The following AGO3 variants were observed in gnomAD, a reference collection of about 807,000 sequenced individuals.
AGO3 encodes argonaute RISC catalytic component 3.
Under a neutral mutation model 105.5 loss-of-function variants are expected in AGO3, and 16 were observed. The ratio of observed to expected loss-of-function variants is 0.15; its 90% confidence interval spans 0.10 to 0.23. The LOEUF (loss-of-function observed/expected upper bound fraction) is 0.23. Among genes scored for constraint, AGO3 ranks in the 10% least tolerant of loss-of-function variants. The probability of loss-of-function intolerance (pLI) is 1.00; values close to 1 mark genes in which losing one functional copy is unlikely to be tolerated. For synonymous variants in AGO3, 340 were observed against 367.3 expected, an observed-to-expected ratio of 0.93 and a Z score of 0.85; for missense variants, 534 against 1,088.0, an observed-to-expected ratio of 0.49 and a Z score of 7.16.
In AGO3 at chr1:36,068,276, A is replaced by C. The variant is rs1299418154; in HGVS notation, c.*12531A>C. 1 of 152,250 alleles carries C rather than the reference A, an allele frequency of 6.6e-6. No individual in the cohort carries two copies. Among genetic ancestry groups the C allele is most frequent in the Non-Finnish European group, 1.5e-5 (1 of 68,048 alleles). 9.4% of individuals were successfully genotyped at this position (152,250 alleles called of 1,614,324 possible). On this transcript the variant is annotated 3_prime_UTR_variant, in exon 19 of 19. Coordinates refer to ENST00000373191, the MANE Select transcript of AGO3 (RefSeq NM_024852.4). ...TGAAAGTATTAATGTTGCAAGTATTATCTCTAGCCATGGAATTTTTTGCTG... is the reference window on the plus strand; with the variant it reads ...TGAAAGTATTAATGTTGCAAGTATTCTCTCTAGCCATGGAATTTTTTGCTG...
Position 36,069,255 on chromosome 1 carries a change from C to T in AGO3, c.*13510C>T, listed in dbSNP as rs1253965008. ...AGTAGCTGGGACTAGAGGTACATGC[C>T]ACCACACCCAGCTAATTATTTTCTT... On this transcript the variant is annotated 3_prime_UTR_variant, in exon 19 of 19. Transcript: ENST00000373191. The T allele has an allele frequency of 1.3e-5, 2 of 152,270 alleles. No homozygotes were observed. The highest frequency in any genetic ancestry group is 1.5e-5 in the Non-Finnish European group (1 of 68,130). The allele number at this position is 152,270 out of a possible 1,614,324, so 9.4% of individuals were successfully genotyped here.
chr1:35,961,540 C>G (rs1253907704), intron 2 of AGO3, among the ~76,000 whole-genome samples: 1 of 152,150 alleles, frequency 6.6e-6, no homozygotes, highest in Non-Finnish European at 1.5e-5. Context: ...TAGCCAAAAA[C>G]TTATTCTGTA....
chr1:35,967,118 T>A, intron 3 of AGO3, 43 bp downstream of exon 3: 1 of 1,583,140 alleles, frequency 6.3e-7, no homozygotes. Flanking sequence ...ATTTTTGAAG[T>A]GTCTCCTTTT....
intron 2 of AGO3, among the ~76,000 whole-genome samples, chr1:35,954,255 G>C (rs1448543895): frequency 6.6e-6 from 1 of 152,150 alleles, no homozygotes; most frequent in African/African-American, 2.4e-5. Context: ...AATTCTTTTA[G>C]AGTGGCATCT....
intron 5 of AGO3, among the ~76,000 whole-genome samples, chr1:35,976,532 G>A (rs1357291340): frequency 6.6e-6 from 1 of 152,088 alleles, no homozygotes; most frequent in Non-Finnish European, 1.5e-5. Flanking sequence ...GGATTAAATA[G>A]TAGTGATTAA....
At chr1:36,000,927 C>T (rs922084223) in intron 5 of AGO3, among the ~76,000 whole-genome samples, 2 of 151,822 alleles carry the variant, frequency 1.3e-5, no homozygotes, top group African/African-American at 4.8e-5. Flanking sequence ...ATTGATTTCT[C>T]TTATCTTTTC....
intron 1 of AGO3, 71 bp from the exon 2 acceptor site, chr1:35,945,621 T>C: frequency 2.7e-6 from 4 of 1,477,948 alleles, no homozygotes; most frequent in Non-Finnish European, 3.7e-6. Flanking sequence ...AATTCTAATA[T>C]ACTCTGGTTG....
intron 16 of AGO3, among the ~76,000 whole-genome samples, chr1:36,043,102 G>A (rs902141954): frequency 3.9e-5 from 6 of 152,108 alleles, no homozygotes; most frequent in African/African-American, 1.4e-4. Context: ...TAAATCACAC[G>A]TTCAAGAATA....
At chr1:35,933,477 A>G (rs1646091285) in intron 1 of AGO3, among the ~76,000 whole-genome samples, 1 of 151,832 alleles carries the variant, frequency 6.6e-6, no homozygotes, top group Non-Finnish European at 1.5e-5. Context: ...ACCTGCCTCT[A>G]CAAAAAACAG....
chr1:36,037,336 A>G (rs1485458291), intron 14 of AGO3, among the ~76,000 whole-genome samples: 1 of 152,132 alleles, frequency 6.6e-6, no homozygotes, highest in Non-Finnish European at 1.5e-5. Context: ...AGCCTGACCA[A>G]CATGGTGAAA....
Position 36,043,549 on chromosome 1 carries a change from G to A in AGO3, c.2274+1G>A. 1 of 1,600,658 alleles carries A rather than the reference G, an allele frequency of 6.2e-7. No homozygotes were observed. The highest frequency in any genetic ancestry group is 8.5e-7 in the Non-Finnish European group (1 of 1,171,056). On this transcript the variant is annotated splice_donor_variant, in intron 17 of 18. Transcript: ENST00000373191. LOFTEE classifies it high-confidence loss of function. Reference sequence around the variant, plus strand: ...CCTCTGTAGCCATGCTGGAATACAGGTAAGCCTACACTTTGGGTAAAATAT... The same window carrying A: ...CCTCTGTAGCCATGCTGGAATACAGATAAGCCTACACTTTGGGTAAAATAT...
At chr1:36,044,807 T>C (rs1309707089) in intron 17 of AGO3, among the ~76,000 whole-genome samples, 1 of 152,240 alleles carries the variant, frequency 6.6e-6, no homozygotes, top group Admixed American at 6.5e-5. Flanking sequence ...TTCATTAATG[T>C]GTTAGCTTTA....
At chr1:36,000,494 G>C (rs577816175) in intron 5 of AGO3, among the ~76,000 whole-genome samples, 26 of 152,254 alleles carry the variant, frequency 1.7e-4, no homozygotes, top group African/African-American at 6.3e-4. Flanking sequence ...GTAGTTACAA[G>C]TAATTACAAC....
At chr1:35,961,229 G>A (rs940619497) in intron 2 of AGO3, among the ~76,000 whole-genome samples, 6 of 151,936 alleles carry the variant, frequency 3.9e-5, no homozygotes, top group South Asian at 2.1e-4. Flanking sequence ...GGGATTACAC[G>A]TGTGAGCCAC....
chr1:36,005,544 CTG>C (rs1389505758), intron 6 of AGO3, among the ~76,000 whole-genome samples: 4 of 152,210 alleles, frequency 2.6e-5, no homozygotes, highest in Admixed American at 2.0e-4. Context: ...TCTGTATTAA[CTG>C]CACAGCTAGC....
chr1:35,974,773 A>G (rs974983443), intron 5 of AGO3, among the ~76,000 whole-genome samples: 8 of 152,146 alleles, frequency 5.3e-5, no homozygotes. Flanking sequence ...TTCTTTTTGC[A>G]TTAGGTGGAA....
intron 2 of AGO3, among the ~76,000 whole-genome samples, chr1:35,954,146 T>C (rs1323635881): frequency 6.6e-6 from 1 of 152,198 alleles, no homozygotes; most frequent in Non-Finnish European, 1.5e-5. Context: ...TTGGGGAAAC[T>C]ATTATACAAA....
rs1557648119 is a variant in AGO3 at position 35,952,136 on chromosome 1, C to CTTTT, written c.191+6276_191+6277insTTTT. On this transcript the variant is annotated intron_variant, in intron 2 of 18. Coordinates refer to ENST00000373191, the MANE Select transcript of AGO3 (RefSeq NM_024852.4). The stretch of plus-strand genomic sequence containing the variant: ...TCTTTCTTTCTTTCTTTCTTTCTTT[C>CTTTT]TTTCTTTCTTTCTTTTTTTTTTTTT... 2.7e-5 allele frequency among the ~76,000 whole-genome samples: 3 copies of CTTTT among 111,522 alleles called. 1 individual carries two copies. Among genetic ancestry groups the CTTTT allele is most frequent in the Admixed American group, 2.0e-4 (2 of 9,794 alleles). 73.2% of individuals were successfully genotyped at this position (111,522 alleles called of 152,430 possible). A position where few individuals can be genotyped will look rare whatever the true frequency, so the allele number is the denominator to read the frequency against.
rs1642880112 is a variant in AGO3, at chr1:36,055,312, T to C, written c.2474+167T>C. On this transcript the variant is annotated intron_variant, in intron 18 of 18. Coordinates refer to ENST00000373191, the MANE Select transcript of AGO3 (RefSeq NM_024852.4). This position sits in a 1 kb window ranked among gnomAD's most constrained non-coding sequence, Gnocchi z 4.4. ...GAAATATATTGTCTAGGCTCATTAG[T>C]AATAGAATCATGTAGTAACTTAGTT... is the stretch of plus-strand genomic sequence containing the variant. 1.4e-6 allele frequency: 1 copy of C among 691,446 alleles called. No homozygotes were observed. The highest frequency in any genetic ancestry group is 2.9e-5 in the Admixed American group (1 of 34,726). 42.8% of individuals were successfully genotyped at this position (691,446 alleles called of 1,614,324 possible).
Sources: allele counts gnomAD v4.1 joint callset (sites outside exome capture counted in the v4.1 genomes callset), GRCh38; gene constraint gnomAD v4.1.1; non-coding constraint Gnocchi (gnomAD v3.1); transcripts MANE v1.5; gene names NCBI Gene and HGNC (gene_info 2026-07-23, HGNC 2026-07-21).